FAHD1: variants seen among roughly 807,000 people sequenced by gnomAD.
The protein encoded by FAHD1 is oxaloacetate tautomerase FAHD1, mitochondrial.
FAHD1 carries 14 observed loss-of-function variants against 12.7 expected under a neutral mutation model. That is an observed-to-expected ratio of 1.10 (90% CI 0.73 to 1.72). The LOEUF (loss-of-function observed/expected upper bound fraction) is 1.72, where lower values mean the gene tolerates loss of function less well. Ranked by LOEUF, FAHD1 falls within the 40% of genes most tolerant of loss-of-function variation. The probability of loss-of-function intolerance (pLI) is 0.00; values close to 1 mark genes in which losing one functional copy is unlikely to be tolerated. For missense variants in FAHD1, 351 were observed against 298.9 expected (o/e 1.17, Z -1.29); for synonymous variants, 153 against 124.9 (o/e 1.22, Z -1.50).
chr16:1,838,980 C>T (rs1346814801), intron 2 of FAHD1, among the ~76,000 whole-genome samples: 5 of 152,200 alleles, frequency 3.3e-5, no homozygotes, highest in Non-Finnish European at 7.3e-5. Flanking sequence ...GCGTGAGCCA[C>T]GGTGCCCAGC....
exon 1 of FAHD1, chr16:1,827,226 C>T (rs1421668312): frequency 4.4e-6 from 7 of 1,596,680 alleles, no homozygotes; most frequent in South Asian, 1.1e-5. Flanking sequence ...TACAGGGGCA[C>T]TTGATGGGAA....
intron 1 of FAHD1, chr16:1,837,652 G>C: frequency 2.0e-6 from 1 of 505,212 alleles, no homozygotes; most frequent in East Asian, 3.1e-5. Context: ...TAGGATAGCT[G>C]AATCCTTATG....
At chr16:1,837,997 C>G (rs1898794510) in intron 1 of FAHD1, 5 of 1,443,398 alleles carry the variant, frequency 3.5e-6, no homozygotes, top group African/African-American at 2.9e-5. Flanking sequence ...ACAGCTCAAT[C>G]GTTTGTTTTT....
downstream of FAHD1, among the ~76,000 whole-genome samples, chr16:1,832,272 G>A (rs908219856): frequency 2.2e-5 from 3 of 137,206 alleles, no homozygotes; most frequent in East Asian, 4.4e-4. Flanking sequence ...CCGGGTTCAC[G>A]CCATTCTCCT....
chr16:1,832,265 G>T (rs1312392006), downstream of FAHD1, among the ~76,000 whole-genome samples: 1 of 142,392 alleles, frequency 7.0e-6, no homozygotes, highest in African/African-American at 2.6e-5. Context: ...CCGCCTCCCG[G>T]GTTCACGCCA....
chr16:1,839,310 G>A (rs749802810), exon 3 of FAHD1: 1 of 1,614,180 alleles, frequency 6.2e-7, no homozygotes, highest in South Asian at 1.1e-5. Context: ...GGAATGAAGG[G>A]TGCCTGTGTG....
chr16:1,830,430 G>C (rs111646775), downstream of FAHD1, among the ~76,000 whole-genome samples: 19,472 of 152,186 alleles, frequency 0.13, 1,268 homozygotes, highest in South Asian at 0.16. Flanking sequence ...CTGCTACCAG[G>C]TACACGGTTC....
downstream of FAHD1, among the ~76,000 whole-genome samples, chr16:1,830,252 T>G (rs558723808): frequency 2.0e-5 from 3 of 152,380 alleles, no homozygotes; most frequent in African/African-American, 7.2e-5. Flanking sequence ...AGTACAACTT[T>G]CATGGATTGC....
chr16:1,835,183 A>G (rs1898708967), intron 1 of FAHD1, among the ~76,000 whole-genome samples: 1 of 151,958 alleles, frequency 6.6e-6, no homozygotes, highest in African/African-American at 2.4e-5. Flanking sequence ...GAGCCTGGGA[A>G]GGTTGAGGCT....
At chr16:1,836,918 G>C (rs1027420168) in intron 1 of FAHD1, among the ~76,000 whole-genome samples, 1 of 152,166 alleles carries the variant, frequency 6.6e-6, no homozygotes, top group African/African-American at 2.4e-5. Flanking sequence ...ACACAAACGG[G>C]AGCACATTAA....
downstream of FAHD1, among the ~76,000 whole-genome samples, chr16:1,833,588 GTCT>G (rs748241077): frequency 7.4e-6 from 1 of 134,246 alleles, no homozygotes; most frequent in African/African-American, 2.8e-5. Flanking sequence ...TTAAGACAGA[GTCT>G]CGCTCTGTCG....
chr16:1,837,997 C>T, intron 1 of FAHD1: 4 of 1,443,516 alleles, frequency 2.8e-6, no homozygotes, highest in Non-Finnish European at 2.7e-6. Context: ...ACAGCTCAAT[C>T]GTTTGTTTTT....
chr16:1,834,086 G>A (rs986078043), intron 1 of FAHD1: 1 of 511,892 alleles, frequency 2.0e-6, no homozygotes, highest in Admixed American at 3.8e-5. Flanking sequence ...GAGGTCAGAT[G>A]AGAGAGGCCT....
intron 1 of FAHD1, among the ~76,000 whole-genome samples, chr16:1,834,552 T>C (rs1898688236): frequency 6.6e-6 from 1 of 152,260 alleles, no homozygotes; most frequent in South Asian, 2.1e-4. Context: ...ACAGTTAATT[T>C]ACAGGCCCAG....
At chr16:1,834,124 T>C in intron 1 of FAHD1, 1 of 604,994 alleles carries the variant, frequency 1.7e-6, no homozygotes, top group Non-Finnish European at 2.9e-6. Context: ...ACCTCCACCA[T>C]AACAATTTCT....
exon 1 of FAHD1, chr16:1,827,975 A>G (rs536963569): frequency 1.5e-5 from 23 of 1,555,828 alleles, no homozygotes; most frequent in African/African-American, 9.6e-5. Flanking sequence ...AAATGTCACA[A>G]TCCTTTAATT....
intron 2 of FAHD1, chr16:1,838,263 G>C (rs62038405): frequency 0.18 from 72,667 of 411,750 alleles, 6,791 homozygotes; most frequent in South Asian, 0.27. Context: ...GCCTCCCAAA[G>C]TGGTAGGATT....
At chr16:1,828,626 A>G (rs894412867) in exon 1 of FAHD1, 13 of 993,014 alleles carry the variant, frequency 1.3e-5, no homozygotes, top group Admixed American at 6.2e-5. Context: ...ATTTGTAAAA[A>G]TAAAAATCTC....
chr16:1,839,310 G>GT, exon 3 of FAHD1: 2 of 1,614,180 alleles, frequency 1.2e-6, no homozygotes, highest in Non-Finnish European at 1.7e-6. Context: ...GGAATGAAGG[G>GT]TGCCTGTGTG....
Sources: gnomAD v4.1 joint callset for allele counts (sites outside exome capture counted in the v4.1 genomes callset) on GRCh38, gnomAD v4.1.1 for gene constraint, MANE v1.5 for transcripts, NCBI Gene and HGNC (gene_info 2026-07-23, HGNC 2026-07-21) for gene names.